The following COX16 variants were observed in gnomAD, a reference collection of about 807,000 sequenced individuals.
The protein encoded by COX16 is cytochrome c oxidase assembly factor COX16, also known as cytochrome c oxidase assembly protein COX16 homolog, mitochondrial.
COX16 carries 12 observed loss-of-function variants against 15.4 expected under a neutral mutation model. The observed-to-expected ratio is 0.78, with a 90% confidence interval of 0.50 to 1.26. The LOEUF is 1.26. Ranked by LOEUF, COX16 falls within the 50% of genes most tolerant of loss-of-function variation. The probability of loss-of-function intolerance (pLI) is 0.00; values close to 1 mark genes in which losing one functional copy is unlikely to be tolerated. For missense variants in COX16, 124 were observed against 127.6 expected (o/e 0.97, Z 0.14); for synonymous variants, 46 against 41.1 (o/e 1.12, Z -0.46).
intron 1 of COX16, among the ~76,000 whole-genome samples, chr14:70,358,115 T>A (rs1349047440): frequency 2.0e-5 from 3 of 152,112 alleles, no homozygotes; most frequent in African/African-American, 4.8e-5. Flanking sequence ...AAGAATCCAG[T>A]CACAAAAAAC....
At chr14:70,337,150 G>GT (rs1886480436) in intron 2 of COX16, among the ~76,000 whole-genome samples, 1 of 152,132 alleles carries the variant, frequency 6.6e-6, no homozygotes, top group Non-Finnish European at 1.5e-5. Context: ...ACATGCAACA[G>GT]TTTTGAAATT....
At chr14:70,334,147 T>TTG in intron 2 of COX16, among the ~76,000 whole-genome samples, 2 of 152,210 alleles carry the variant, frequency 1.3e-5, no homozygotes, top group African/African-American at 2.4e-5. Flanking sequence ...AATCATGATG[T>TTG]TTAAATCACT....
intron 2 of COX16, among the ~76,000 whole-genome samples, chr14:70,336,270 C>CAAA (rs1369559186): frequency 2.2e-5 from 1 of 44,748 alleles, no homozygotes; most frequent in Non-Finnish European, 6.4e-5. Context: ...AAACAAAAAA[C>CAAA]AAAAACAAAA....
chr14:70,334,394 G>A lies in COX16; in HGVS notation c.142-5158C>T, dbSNP rs140831025. ...AAAAATTCATCGGTTGTGGTGGTGCGCACCTGTAGTCCCAGCTACTTGGGA... is the reference window on the plus strand; with the variant it reads ...AAAAATTCATCGGTTGTGGTGGTGCACACCTGTAGTCCCAGCTACTTGGGA... On this transcript the variant is annotated intron_variant, in intron 2 of 3. Coordinates refer to ENST00000389912, the MANE Select transcript of COX16 (RefSeq NM_016468.7). Among the ~76,000 whole-genome samples, 561 of 152,198 alleles carry A rather than the reference G, an allele frequency of 3.7e-3. 3 individuals carry two copies. Among genetic ancestry groups the A allele is most frequent in the African/African-American group, 0.013 (521 of 41,534 alleles).
At chr14:70,329,050 G>GA in intron 3 of COX16, 124 bp downstream of exon 3, 2 of 610,486 alleles carry the variant, frequency 3.3e-6, no homozygotes, top group Non-Finnish European at 4.4e-6. Flanking sequence ...CTTTTCAAAT[G>GA]ATTATAGTTT....
intron 1 of COX16, among the ~76,000 whole-genome samples, chr14:70,353,117 C>T (rs990356453): frequency 2.6e-5 from 4 of 151,588 alleles, no homozygotes; most frequent in East Asian, 1.9e-4. Flanking sequence ...ATAAAGTAGC[C>T]GGGTGTGGTG....
At position 70,326,415 on chromosome 14, in the gene COX16, TTCTTCCAG is replaced by T; in HGVS notation, c.231_238del (p.Asp77GlufsTer12). The stretch of plus-strand genomic sequence containing the variant: ...TTCCCAAGGCCTGGGTCCTCGAATA[TTCTTCCAG>T]TCATCAAACTTGGAGTCTTTGATTT... On this transcript the variant is annotated frameshift_variant, in exon 4 of 4. Coordinates refer to ENST00000389912, the MANE Select transcript of COX16 (RefSeq NM_016468.7). LOFTEE classifies it high-confidence loss of function. 1.3e-6 allele frequency: 2 copies of T among 1,594,216 alleles called. No individual in the cohort carries two copies. Among genetic ancestry groups the T allele is most frequent in the Non-Finnish European group, 1.7e-6 (2 of 1,171,544 alleles).
At chr14:70,354,466 C>CA (rs1194151711) in intron 1 of COX16, among the ~76,000 whole-genome samples, 1 of 152,170 alleles carries the variant, frequency 6.6e-6, no homozygotes. Context: ...GTCACATGGC[C>CA]AATGGTTCAA....
chr14:70,348,891 A>G (rs544512358), intron 1 of COX16, among the ~76,000 whole-genome samples: 2 of 152,274 alleles, frequency 1.3e-5, no homozygotes, highest in South Asian at 2.1e-4. Flanking sequence ...TCGGCTGGAA[A>G]TGCGCTAGCA....
intron 2 of COX16, among the ~76,000 whole-genome samples, chr14:70,341,325 T>C (rs778887463): frequency 2.2e-4 from 33 of 152,202 alleles, no homozygotes; most frequent in Non-Finnish European, 4.0e-4. Context: ...TCCTTAAAAC[T>C]AGCTGATGTT....
intron 1 of COX16, among the ~76,000 whole-genome samples, chr14:70,348,211 A>C (rs1464776202): frequency 6.6e-6 from 1 of 152,024 alleles, no homozygotes; most frequent in Admixed American, 6.6e-5. Context: ...GCCTAAAACT[A>C]TCTCTCCATG....
intron 2 of COX16, among the ~76,000 whole-genome samples, chr14:70,336,066 C>A (rs1447191178): frequency 6.6e-6 from 1 of 152,064 alleles, no homozygotes; most frequent in Non-Finnish European, 1.5e-5. Flanking sequence ...ACCATCTTGG[C>A]TAACACAGTG....
chr14:70,343,140 G>A (rs1433370111), intron 1 of COX16, among the ~76,000 whole-genome samples: 2 of 152,158 alleles, frequency 1.3e-5, no homozygotes, highest in East Asian at 3.8e-4. Context: ...TTTTGCCCAG[G>A]GATGTCTCTG....
intron 1 of COX16, among the ~76,000 whole-genome samples, chr14:70,356,304 C>T (rs914122121): frequency 2.7e-4 from 41 of 152,086 alleles, no homozygotes; most frequent in African/African-American, 9.7e-4. Context: ...CTAGATCCCT[C>T]ACATGTGCAG....
At chr14:70,347,559 A>C (rs1886819815) in intron 1 of COX16, among the ~76,000 whole-genome samples, 2 of 152,012 alleles carry the variant, frequency 1.3e-5, no homozygotes, top group Admixed American at 1.3e-4. Context: ...TGACCTCTGT[A>C]CCTTATCCCT....
At position 70,326,318 on chromosome 14, in the gene COX16, AAAG is replaced by A. The variant is rs772266159; in HGVS notation, c.*12_*14del. On this transcript the variant is annotated 3_prime_UTR_variant, in exon 4 of 4. Transcript: ENST00000389912. Reference sequence around the variant, plus strand: ...TTATTTAAAAAAAAAAAAAAGGAAAAAAGAATCAGCAGAGTCAAGTTGTCTTAG... The same window carrying A: ...TTATTTAAAAAAAAAAAAAAGGAAAAAATCAGCAGAGTCAAGTTGTCTTAG... 2.7e-6 allele frequency: 4 copies of A among 1,455,754 alleles called. No homozygotes were observed. In the African/African-American group the frequency reaches 4.4e-5, roughly 16 times the overall value. 90.2% of individuals were successfully genotyped at this position (1,455,754 alleles called of 1,614,324 possible).
At chr14:70,345,126 C>T (rs1886738083) in intron 1 of COX16, among the ~76,000 whole-genome samples, 1 of 152,210 alleles carries the variant, frequency 6.6e-6, no homozygotes, top group African/African-American at 2.4e-5. Context: ...AGCAGCCAGA[C>T]AAAGGAAGCT....
At chr14:70,338,372 A>G (rs753139280) in intron 2 of COX16, among the ~76,000 whole-genome samples, 2 of 152,204 alleles carry the variant, frequency 1.3e-5, no homozygotes, top group Non-Finnish European at 2.9e-5. Context: ...TTGGCCTCCC[A>G]AAGTGCTGGG....
intron 2 of COX16, among the ~76,000 whole-genome samples, chr14:70,334,943 G>A (rs564773970): frequency 6.6e-5 from 10 of 152,210 alleles, no homozygotes; most frequent in African/African-American, 1.2e-4. Context: ...CCAAGTATAT[G>A]CTGCCTATAG....
Sources: gnomAD v4.1 joint callset for allele counts (sites outside exome capture counted in the v4.1 genomes callset) on GRCh38, gnomAD v4.1.1 for gene constraint, MANE v1.5 for transcripts, NCBI Gene and HGNC (gene_info 2026-07-23, HGNC 2026-07-21) for gene names.